Variants in EIF3B observed in about 807,000 individuals in gnomAD.
EIF3B encodes the protein eukaryotic translation initiation factor 3 subunit B.
Under a neutral mutation model 104.6 loss-of-function variants are expected in EIF3B, and 10 were observed. The observed-to-expected ratio is 0.10, with a 90% confidence interval of 0.06 to 0.16. EIF3B has a LOEUF of 0.16. Among genes scored for constraint, EIF3B ranks in the 10% least tolerant of loss-of-function variants. EIF3B has a pLI of 1.00. For missense variants in EIF3B, 1,014 were observed against 1,087.9 expected (o/e 0.93, Z 0.96); for synonymous variants, 542 against 417.2 (o/e 1.30, Z -3.65).
chr7:2,375,568 C>A lies in EIF3B; in HGVS notation c.2028+41C>A, dbSNP rs535561927. Reference sequence around the variant, plus strand: ...GCATAGTTTTGACTGTGGATAGAAGCAGGGAGTGCTGGCTAGCTGCTGACT... The same window carrying A: ...GCATAGTTTTGACTGTGGATAGAAGAAGGGAGTGCTGGCTAGCTGCTGACT... On this transcript the variant is annotated intron_variant, in intron 14 of 18. Coordinates refer to ENST00000360876, the MANE Select transcript of EIF3B (RefSeq NM_001037283.2). 2.5e-6 allele frequency: 4 copies of A among 1,612,522 alleles called. No homozygotes were observed. In the African/African-American group the frequency reaches 4.0e-5, roughly 16 times the overall value.
chr7:2,378,643 T>C, intron 15 of EIF3B, 46 bp from the exon 16 acceptor site: 1 of 1,551,312 alleles, frequency 6.4e-7, no homozygotes, highest in Non-Finnish European at 8.9e-7. Flanking sequence ...CATTTGTGCT[T>C]GTTGCTTTGA....
upstream of EIF3B, among the ~76,000 whole-genome samples, chr7:2,354,703 C>T (rs966545599): frequency 6.6e-6 from 1 of 152,140 alleles, no homozygotes; most frequent in Admixed American, 6.5e-5. Context: ...ACAAATATAT[C>T]AGTTTGATGA....
At chr7:2,356,602 C>CAAAA (rs558863981) in intron 1 of EIF3B, among the ~76,000 whole-genome samples, 1 of 90,296 alleles carries the variant, frequency 1.1e-5, no homozygotes, top group African/African-American at 4.1e-5. Flanking sequence ...GACTCCGTCT[C>CAAAA]AAAAAAAAAA....
rs1174477441 is a variant in EIF3B, at chr7:2,354,884, G to A, written c.-38G>A. ...GCGGCCTGGGAGAGTCGGAAGCGCG[G>A]CGGCCGCGGAGCCCTGCGAGTAGGC... On this transcript the variant is annotated 5_prime_UTR_variant, in exon 1 of 19. Coordinates refer to ENST00000360876, the MANE Select transcript of EIF3B (RefSeq NM_001037283.2). 1 of 1,154,282 alleles carries A rather than the reference G, an allele frequency of 8.7e-7. No homozygotes were observed. The allele number at this position is 1,154,282 out of a possible 1,614,324, so 71.5% of individuals were successfully genotyped here. A position where few individuals can be genotyped will look rare whatever the true frequency, so the allele number is the denominator to read the frequency against.
intron 15 of EIF3B, 28 bp downstream of exon 15, chr7:2,377,103 G>T: frequency 6.3e-7 from 1 of 1,586,700 alleles, no homozygotes. Context: ...CCCGGGTGCA[G>T]GGCACATGGA....
At chr7:2,365,647 G>GT (rs1336270972) in intron 6 of EIF3B, among the ~76,000 whole-genome samples, 2,000 of 103,548 alleles carry the variant, frequency 0.019, 60 homozygotes, top group African/African-American at 0.1. Context: ...GATGGGACTT[G>GT]TTTTTTTGTT....
At chr7:2,357,877 A>G (rs1779537157) in intron 1 of EIF3B, among the ~76,000 whole-genome samples, 1 of 152,132 alleles carries the variant, frequency 6.6e-6, no homozygotes, top group African/African-American at 2.4e-5. Context: ...TGAGCTTTTT[A>G]TTGCAGCCTT....
At chr7:2,363,486 G>T in intron 4 of EIF3B, 146 bp from the exon 5 acceptor site, 1 of 735,440 alleles carries the variant, frequency 1.4e-6, no homozygotes, top group African/African-American at 1.8e-5. Flanking sequence ...AAAAAGAAAT[G>T]CTAGACGGTG....
At chr7:2,364,574 A>T (rs766493681) in intron 6 of EIF3B, 45 bp downstream of exon 6, 1 of 1,554,736 alleles carries the variant, frequency 6.4e-7, no homozygotes, top group Non-Finnish European at 8.8e-7. Context: ...ATTTCACCCC[A>T]TGCCAGCCTT....
At chr7:2,362,531 C>T (rs1779786703) in intron 2 of EIF3B, 114 bp from the exon 3 acceptor site, 1 of 1,335,752 alleles carries the variant, frequency 7.5e-7, no homozygotes, top group African/African-American at 1.4e-5. Flanking sequence ...GCAGGAAGAG[C>T]AGCACAGATA....
chr7:2,372,567 C>T (rs961162563), intron 11 of EIF3B, 106 bp from the exon 12 acceptor site: 8 of 1,397,230 alleles, frequency 5.7e-6, no homozygotes, highest in South Asian at 1.4e-5. Context: ...AACTTTTACA[C>T]GTCGGGGGAT....
chr7:2,364,922 C>G (rs1779924170), intron 6 of EIF3B, among the ~76,000 whole-genome samples: 1 of 152,172 alleles, frequency 6.6e-6, no homozygotes, highest in Admixed American at 6.5e-5. Context: ...TACTTACTTT[C>G]CTTCAGTTCA....
At chr7:2,372,518 A>T (rs1021617724) in intron 11 of EIF3B, among the ~76,000 whole-genome samples, 155 bp from the exon 12 acceptor site, 1 of 151,988 alleles carries the variant, frequency 6.6e-6, no homozygotes, top group African/African-American at 2.4e-5. Flanking sequence ...AGGAATGTGC[A>T]CCTTTCCTGC....
At chr7:2,363,479 A>G (rs1001105326) in intron 4 of EIF3B, among the ~76,000 whole-genome samples, 153 bp from the exon 5 acceptor site, 1 of 152,184 alleles carries the variant, frequency 6.6e-6, no homozygotes, top group African/African-American at 2.4e-5. Flanking sequence ...TCAAAAAAAA[A>G]AGAAATGCTA....
Position 2,363,092 on chromosome 7 carries a change from T to C in EIF3B, c.835T>C (p.Trp279Arg). The change falls in exon 4 of 19, where the codon TGG (tryptophan) becomes CGG (arginine). Residue 279 changes from tryptophan to arginine, a missense_variant. Trp to Arg is a moderately radical substitution (Grantham distance 101). Transcript: ENST00000360876. ...FDKYMTISDE[W>R]DIPEKQPFKD... ...CAGGTATATGACGATCAGTGACGAGTGGGATATTCCAGAGAAACAGCCTTT... is the reference window on the plus strand; with the variant it reads ...CAGGTATATGACGATCAGTGACGAGCGGGATATTCCAGAGAAACAGCCTTT... 6.2e-7 allele frequency: 1 copy of C among 1,613,868 alleles called. No homozygotes were observed. Among genetic ancestry groups the C allele is most frequent in the Non-Finnish European group, 8.5e-7 (1 of 1,179,970 alleles).
intron 1 of EIF3B, among the ~76,000 whole-genome samples, chr7:2,358,574 T>C (rs1779578299): frequency 6.6e-6 from 1 of 152,178 alleles, no homozygotes; most frequent in African/African-American, 2.4e-5. Flanking sequence ...TCTCCCAGGC[T>C]GGAGTGCAGT....
rs751122377 is a variant in EIF3B, at chr7:2,380,373, C to T, written c.*184C>T. On this transcript the variant is annotated 3_prime_UTR_variant, in exon 19 of 19. Transcript: ENST00000360876. ...GCTCTCTGGCTCTGGACTGTGACTG[C>T]GCCTGGATTCTGCCATTGCGACACA... 10 of 518,780 alleles carry T rather than the reference C, an allele frequency of 1.9e-5. No homozygotes were observed. The highest frequency in any genetic ancestry group is 3.8e-5 in the Non-Finnish European group (10 of 259,810). 32.1% of individuals were successfully genotyped at this position (518,780 alleles called of 1,614,324 possible).
rs778059604 is a variant in EIF3B at position 2,380,474 on chromosome 7, G to A, written c.*285G>A. ...CGCTTCCACTTCTTTCTTGTTTGGA[G>A]TTTTCTGTTGGAACCGCCGGCGTTG... On this transcript the variant is annotated 3_prime_UTR_variant, in exon 19 of 19. Coordinates refer to ENST00000360876, the MANE Select transcript of EIF3B (RefSeq NM_001037283.2). The A allele has an allele frequency of 8.0e-6, 4 of 501,836 alleles. No individual in the cohort carries two copies. In the Admixed American group the frequency reaches 8.3e-5, roughly 10 times the overall value. The allele number at this position is 501,836 out of a possible 1,614,324, so 31.1% of individuals were successfully genotyped here. A position where few individuals can be genotyped will look rare whatever the true frequency, so the allele number is the denominator to read the frequency against.
chr7:2,374,312 C>A, intron 12 of EIF3B: 2 of 485,058 alleles, frequency 4.1e-6, no homozygotes, highest in Non-Finnish European at 7.5e-6. Context: ...TTTTGAAATA[C>A]CCCTGTCGCA....
Sources: allele counts gnomAD v4.1 joint callset (sites outside exome capture counted in the v4.1 genomes callset), GRCh38; gene constraint gnomAD v4.1.1; transcripts MANE v1.5; gene names NCBI Gene and HGNC (gene_info 2026-07-23, HGNC 2026-07-21).